PCDHA7: variants seen among roughly 807,000 people sequenced by gnomAD.
The protein encoded by PCDHA7 is protocadherin alpha-7.
A neutral mutation model predicts 57.2 loss-of-function variants in PCDHA7; 37 were observed. The observed-to-expected ratio is 0.65, with a 90% CI of 0.50 to 0.85. PCDHA7 has a LOEUF of 0.85. Among genes scored for constraint, PCDHA7 ranks in the 40% least tolerant of loss-of-function variants. The pLI is 0.00. For synonymous variants in PCDHA7, 553 were observed against 558.8 expected (o/e 0.99, Z 0.15); for missense variants, 1,188 against 1,241.8 (o/e 0.96, Z 0.65).
At chr5:140,879,483 T>C (rs2153367251) in intron 1 of PCDHA7, among the ~76,000 whole-genome samples, 1 of 152,292 alleles carries the variant, frequency 6.6e-6, no homozygotes, top group Non-Finnish European at 1.5e-5. Context: ...TGATTGGAAA[T>C]ATGGGTCTGG....
chr5:140,864,688 C>G (rs1324668554), intron 1 of PCDHA7: 2 of 152,164 alleles, frequency 1.3e-5, no homozygotes, highest in Admixed American at 1.3e-4. Context: ...CTGCTGTCCT[C>G]CAGTTTAAGT....
intron 1 of PCDHA7, among the ~76,000 whole-genome samples, chr5:140,924,901 A>AAAT (rs1554202313): frequency 5.5e-4 from 44 of 80,500 alleles, no homozygotes; most frequent in Non-Finnish European, 9.1e-4. Flanking sequence ...TCTCAAAAAA[A>AAAT]AAAATAAAAT....
chr5:140,946,609 G>GAA, intron 1 of PCDHA7, among the ~76,000 whole-genome samples: 1 of 68,674 alleles, frequency 1.5e-5, no homozygotes, highest in Non-Finnish European at 2.7e-5. Flanking sequence ...AAGAAAATGT[G>GAA]AAATATATAT....
intron 1 of PCDHA7, chr5:140,876,230 A>C: frequency 6.2e-7 from 1 of 1,613,886 alleles, no homozygotes; most frequent in South Asian, 1.1e-5. Flanking sequence ...GTGTTGTCTG[A>C]AAATGTCCAA....
chr5:140,915,626 G>GTCCC (rs1554196996), intron 1 of PCDHA7, among the ~76,000 whole-genome samples: 2 of 146,436 alleles, frequency 1.4e-5, no homozygotes, highest in Non-Finnish European at 3.0e-5. Flanking sequence ...GTCTCTTTCT[G>GTCCC]TCTCTCTCTC....
intron 1 of PCDHA7, chr5:140,869,653 A>G: frequency 6.2e-7 from 1 of 1,613,586 alleles, no homozygotes. Flanking sequence ...AGATTCACCA[A>G]CAAATGGTAA....
At chr5:140,943,139 T>A (rs2093424349) in intron 1 of PCDHA7, among the ~76,000 whole-genome samples, 2 of 151,168 alleles carry the variant, frequency 1.3e-5, no homozygotes, top group Admixed American at 6.6e-5. Context: ...GTGCCTGTAG[T>A]CCCAGCTACT....
At chr5:140,965,015 C>A (rs187456244) in intron 1 of PCDHA7, among the ~76,000 whole-genome samples, 116 of 152,260 alleles carry the variant, frequency 7.6e-4, no homozygotes, top group Non-Finnish European at 1.2e-3. Context: ...AGGATCACAA[C>A]CTTGGCTCCT....
chr5:140,882,129 T>G lies in PCDHA7; in HGVS notation c.2355+45391T>G. 10 of 1,473,110 alleles carry G rather than the reference T, an allele frequency of 6.8e-6. No homozygotes were observed. The South Asian group carries it at 9.9e-5, about 15-fold the overall frequency. The allele number at this position is 1,473,110 out of a possible 1,614,324, so 91.3% of individuals were successfully genotyped here. On this transcript the variant is annotated intron_variant, in intron 1 of 3. Transcript: ENST00000525929. ...AAGAAAGCCGCCGTTTCTTTCTTCC[T>G]GCAGAAAATATAGCAGAAAGCGGAA...
At chr5:140,883,455 A>T in intron 1 of PCDHA7, 1 of 1,614,128 alleles carries the variant, frequency 6.2e-7, no homozygotes, top group East Asian at 2.2e-5. Flanking sequence ...GTCCCCTTCA[A>T]GCTGGTGTCC....
intron 1 of PCDHA7, among the ~76,000 whole-genome samples, chr5:140,895,670 G>C (rs551602030): frequency 3.9e-5 from 6 of 152,250 alleles, no homozygotes; most frequent in Non-Finnish European, 8.8e-5. Context: ...AGAACATGTA[G>C]TATTTGGTTT....
rs2150375246 is a variant in PCDHA7, at chr5:140,844,933, C to T, written c.2355+8195C>T. Among the ~76,000 whole-genome samples the T allele has an allele frequency of 2.7e-5, 4 of 149,222 alleles. 1 individual carries two copies. Among genetic ancestry groups the T allele is most frequent in the Admixed American group, 6.7e-5 (1 of 14,882 alleles). ...GTAGAAATTGATGGAAGGGAATGAA[C>T]GATTTCTGGGACTCTGAATTCTTAC... On this transcript the variant is annotated intron_variant, in intron 1 of 3. Transcript: ENST00000525929.
intron 1 of PCDHA7, chr5:140,877,039 C>A (rs782458785): frequency 6.2e-7 from 1 of 1,612,458 alleles, no homozygotes; most frequent in African/African-American, 1.3e-5. Context: ...GCTGCAGCCG[C>A]TAGACCACGA....
In PCDHA7 at chr5:140,842,901, A is replaced by G. The variant is rs150252824; in HGVS notation, c.2355+6163A>G. ...GCGCTGCAGCCGCTGGACCACGAGG[A>G]GCTAGAGCTGCTGCAGTTCCAGGTG... On this transcript the variant is annotated intron_variant, in intron 1 of 3. Transcript: ENST00000525929. 211 of 1,594,012 alleles carry G rather than the reference A, an allele frequency of 1.3e-4. 20 individuals carry two copies. Among genetic ancestry groups the G allele is most frequent in the Non-Finnish European group, 1.7e-4 (198 of 1,165,384 alleles).
Position 141,012,065 on chromosome 5 carries a change from T to G in PCDHA7, c.*2128T>G, listed in dbSNP as rs2098422876. The G allele has an allele frequency of 6.5e-6, 1 of 153,794 alleles. No individual in the cohort carries two copies. Among genetic ancestry groups the G allele is most frequent in the Non-Finnish European group, 1.5e-5 (1 of 68,044 alleles). The allele number at this position is 153,794 out of a possible 1,614,324, so 9.5% of individuals were successfully genotyped here. A position where few individuals can be genotyped will look rare whatever the true frequency, so the allele number is the denominator to read the frequency against. ...GGGTAAAACTTGTTACCAACACATGTGAACCATTGCTACATTGTAGGTTGT... is the reference window on the plus strand; with the variant it reads ...GGGTAAAACTTGTTACCAACACATGGGAACCATTGCTACATTGTAGGTTGT... On this transcript the variant is annotated 3_prime_UTR_variant, in exon 4 of 4. Transcript: ENST00000525929.
At chr5:140,876,207 C>A (rs251377) in intron 1 of PCDHA7, 776,282 of 1,613,510 alleles carry the variant, frequency 0.48, 188,573 homozygotes, top group South Asian at 0.57. Flanking sequence ...TTGATAAGCC[C>A]AGCTATAAAG....
intron 1 of PCDHA7, chr5:140,929,499 C>T: frequency 1.0e-6 from 1 of 980,264 alleles, no homozygotes; most frequent in Non-Finnish European, 1.4e-6. Context: ...GAAGATTGCC[C>T]TAGGCCTCAA....
chr5:140,901,681 T>C (rs144868677), intron 1 of PCDHA7, among the ~76,000 whole-genome samples: 8 of 152,316 alleles, frequency 5.3e-5, no homozygotes, highest in African/African-American at 1.7e-4. Context: ...TTAGGTATTA[T>C]GGGTATTTTG....
chr5:140,967,745 G>T, intron 1 of PCDHA7: 1 of 1,614,184 alleles, frequency 6.2e-7, no homozygotes, highest in Non-Finnish European at 8.5e-7. Flanking sequence ...GGATTATGAG[G>T]AAGCCTCCTC....
Sources: allele counts gnomAD v4.1 joint callset (sites outside exome capture counted in the v4.1 genomes callset), GRCh38; gene constraint gnomAD v4.1.1; transcripts MANE v1.5; gene names NCBI Gene and HGNC (gene_info 2026-07-23, HGNC 2026-07-21).